GARIN2: variants seen among roughly 807,000 people sequenced by gnomAD.
GARIN2 encodes the protein Golgi-associated RAB2 interactor protein 2.
At chr14:67,201,394 G>A in the GARIN2 span, 1 of 455,130 alleles carries the variant, frequency 2.2e-6, no homozygotes, top group South Asian at 1.6e-5. Flanking sequence ...CCCAGTAGAA[G>A]ACCCCAATTC....
the GARIN2 span, chr14:67,200,141 C>T: frequency 1.8e-6 from 2 of 1,126,544 alleles, no homozygotes; most frequent in South Asian, 3.1e-5. Flanking sequence ...TTCTGATCTC[C>T]CATGGGTCAC....
chr14:67,200,540 A>G, the GARIN2 span: 1 of 245,964 alleles, frequency 4.1e-6, no homozygotes, highest in African/African-American at 2.3e-5. Context: ...AATAAAACTA[A>G]ACTCCTTGTT....
At chr14:67,198,895 T>TA in the GARIN2 span, 2 of 689,554 alleles carry the variant, frequency 2.9e-6, no homozygotes, top group Non-Finnish European at 5.3e-6. Flanking sequence ...GTCATACCTC[T>TA]AAAGTTCCTA....
chr14:67,224,991 A>G, the GARIN2 span: 1,617 of 764,178 alleles, frequency 2.1e-3, 15 homozygotes, highest in African/African-American at 0.023. Context: ...TGAATTTAAT[A>G]TTCAAAATAA....
chr14:67,192,841 T>C, the GARIN2 span, among the ~76,000 whole-genome samples: 1 of 145,966 alleles, frequency 6.9e-6, no homozygotes, highest in East Asian at 2.0e-4. Context: ...TATATATATA[T>C]CTATATATAG....
At chr14:67,206,751 G>C in the GARIN2 span, among the ~76,000 whole-genome samples, 1 of 151,598 alleles carries the variant, frequency 6.6e-6, no homozygotes, top group African/African-American at 2.4e-5. Flanking sequence ...TTATTATTTT[G>C]AGACAGTCTC....
the GARIN2 span, chr14:67,223,959 T>C: frequency 1.0e-6 from 1 of 985,210 alleles, no homozygotes; most frequent in Non-Finnish European, 1.2e-6. Context: ...TAATTCTAAT[T>C]TATATTATAG....
At chr14:67,215,418 T>A in the GARIN2 span, among the ~76,000 whole-genome samples, 2 of 152,016 alleles carry the variant, frequency 1.3e-5, no homozygotes, top group Non-Finnish European at 2.9e-5. Context: ...TTTTTTTTTT[T>A]ATGATAACCA....
chr14:67,212,755 T>C, the GARIN2 span, among the ~76,000 whole-genome samples: 1 of 150,572 alleles, frequency 6.6e-6, no homozygotes, highest in South Asian at 2.1e-4. Context: ...AAAGTCTTCT[T>C]TCCTAACAAA....
the GARIN2 span, among the ~76,000 whole-genome samples, chr14:67,212,632 T>G: frequency 1.4e-5 from 2 of 145,180 alleles, no homozygotes; most frequent in East Asian, 3.9e-4. Flanking sequence ...ATATTATATA[T>G]AATATATATT....
At chr14:67,198,882 G>A in the GARIN2 span, 1 of 673,972 alleles carries the variant, frequency 1.5e-6, no homozygotes, top group Non-Finnish European at 2.7e-6. Context: ...TTCAATGATA[G>A]GGGTCATACC....
chr14:67,193,846 G>A, the GARIN2 span, among the ~76,000 whole-genome samples: 8 of 148,708 alleles, frequency 5.4e-5, no homozygotes, highest in African/African-American at 2.0e-4. Context: ...TCAGGAGGCT[G>A]AGGTGAGAGG....
the GARIN2 span, among the ~76,000 whole-genome samples, chr14:67,214,840 A>C: frequency 1.3e-5 from 2 of 151,942 alleles, no homozygotes; most frequent in East Asian, 1.9e-4. Context: ...CTTTGATTTC[A>C]TTGAGCAGTG....
the GARIN2 span, among the ~76,000 whole-genome samples, chr14:67,196,147 G>A: frequency 6.6e-6 from 1 of 151,996 alleles, no homozygotes; most frequent in Admixed American, 6.6e-5. Context: ...CTAGTCTTTA[G>A]GACCTTCTTC....
chr14:67,224,445 A>G, the GARIN2 span, among the ~76,000 whole-genome samples: 3 of 151,814 alleles, frequency 2.0e-5, no homozygotes, highest in Non-Finnish European at 4.4e-5. Context: ...TATTTTTAGT[A>G]GAGATGGGGT....
At chr14:67,209,462 C>G in the GARIN2 span, among the ~76,000 whole-genome samples, 3 of 152,118 alleles carry the variant, frequency 2.0e-5, no homozygotes, top group African/African-American at 4.8e-5. Flanking sequence ...TTACAAATCT[C>G]TGCCAAATAA....
At chr14:67,203,288 C>T in the GARIN2 span, 21 of 1,581,064 alleles carry the variant, frequency 1.3e-5, no homozygotes, top group Middle Eastern at 5.0e-4. Context: ...AACTAGTGCT[C>T]ACCAGGTGAG....
At chr14:67,198,811 T>C in the GARIN2 span, among the ~76,000 whole-genome samples, 1 of 152,160 alleles carries the variant, frequency 6.6e-6, no homozygotes, top group African/African-American at 2.4e-5. Context: ...TTGGGAGCAA[T>C]GCTAACTTTT....
At chr14:67,215,945 G>C in the GARIN2 span, among the ~76,000 whole-genome samples, 2 of 152,114 alleles carry the variant, frequency 1.3e-5, no homozygotes, top group Non-Finnish European at 2.9e-5. Flanking sequence ...TAAACCATTA[G>C]ATTCGCTTTT....
Sources: allele counts gnomAD v4.1 joint callset (sites outside exome capture counted in the v4.1 genomes callset), GRCh38; gene constraint gnomAD v4.1.1; transcripts MANE v1.5; gene names NCBI Gene and HGNC (gene_info 2026-07-23, HGNC 2026-07-21).